KCNH1: variants seen among roughly 807,000 people sequenced by gnomAD.
KCNH1 encodes potassium voltage-gated channel subfamily H member 1.
A neutral mutation model predicts 69.2 loss-of-function variants in KCNH1; 27 were observed. The ratio of observed to expected loss-of-function variants is 0.39; its 90% CI spans 0.29 to 0.54. KCNH1 has a LOEUF of 0.54. Among genes scored for constraint, KCNH1 ranks in the 20% least tolerant of loss-of-function variants. The pLI is 0.68. For missense variants in KCNH1, 798 were observed against 1,261.6 expected, an observed-to-expected ratio of 0.63 and a Z score of 5.57; for synonymous variants, 456 against 487.7, an observed-to-expected ratio of 0.93 and a Z score of 0.86.
chr1:210,887,302 A>G (rs547288094), intron 7 of KCNH1, among the ~76,000 whole-genome samples: 114 of 152,306 alleles, frequency 7.5e-4, no homozygotes, highest in African/African-American at 2.6e-3. Context: ...ACTAAGCTTC[A>G]TAAGCAAAGG....
At chr1:211,044,212 G>C (rs1690051827) in intron 5 of KCNH1, among the ~76,000 whole-genome samples, 1 of 152,048 alleles carries the variant, frequency 6.6e-6, no homozygotes, top group South Asian at 2.1e-4. Context: ...CTCCAAAGAG[G>C]TCCTAGAACT....
chr1:210,980,100 T>C (rs1688682727), intron 6 of KCNH1, among the ~76,000 whole-genome samples: 2 of 152,214 alleles, frequency 1.3e-5, no homozygotes, highest in African/African-American at 4.8e-5. Context: ...TGTTCACTTC[T>C]TCCATTTCAT....
At chr1:210,687,681 T>TACTA (rs1485503231) in intron 10 of KCNH1, among the ~76,000 whole-genome samples, 1 of 152,238 alleles carries the variant, frequency 6.6e-6, no homozygotes, top group Non-Finnish European at 1.5e-5. Flanking sequence ...GGGCTCTGCT[T>TACTA]ACTAACTTCG....
intron 5 of KCNH1, among the ~76,000 whole-genome samples, chr1:211,067,752 A>C (rs1160236422): frequency 6.6e-6 from 1 of 152,246 alleles, no homozygotes; most frequent in East Asian, 1.9e-4. Flanking sequence ...GCAGGGGGCT[A>C]GGAAGAAGAA....
intron 7 of KCNH1, among the ~76,000 whole-genome samples, chr1:210,904,956 C>A (rs1687072856): frequency 1.3e-5 from 2 of 152,076 alleles, no homozygotes; most frequent in African/African-American, 2.4e-5. Flanking sequence ...AGGGGGAGAA[C>A]AAGAGACCAC....
chr1:211,084,839 A>G (rs769215957), intron 4 of KCNH1, among the ~76,000 whole-genome samples: 1 of 152,242 alleles, frequency 6.6e-6, no homozygotes, highest in Non-Finnish European at 1.5e-5. Context: ...TGTTAATTCT[A>G]TAAACATAAC....
At chr1:210,866,188 C>T (rs546358702) in intron 7 of KCNH1, among the ~76,000 whole-genome samples, 9 of 152,198 alleles carry the variant, frequency 5.9e-5, no homozygotes, top group Admixed American at 4.6e-4. Context: ...AGGGGCAAAT[C>T]TTTATGACCC....
At chr1:210,700,064 C>T (rs1681736362) in intron 10 of KCNH1, among the ~76,000 whole-genome samples, 1 of 152,210 alleles carries the variant, frequency 6.6e-6, no homozygotes, top group South Asian at 2.1e-4. Flanking sequence ...TGTCCTGCTA[C>T]TGCCCCTTGA....
At chr1:210,923,493 C>T (rs2102566573) in intron 6 of KCNH1, among the ~76,000 whole-genome samples, 1 of 152,346 alleles carries the variant, frequency 6.6e-6, no homozygotes, top group Middle Eastern at 3.4e-3. Context: ...TACCCAAAAG[C>T]TATGCTATCC....
At chr1:210,743,903 G>A (rs1206763942) in intron 10 of KCNH1, among the ~76,000 whole-genome samples, 1 of 152,178 alleles carries the variant, frequency 6.6e-6, no homozygotes, top group Non-Finnish European at 1.5e-5. Context: ...CCCTGTGGGA[G>A]GGACTACACT....
intron 6 of KCNH1, among the ~76,000 whole-genome samples, chr1:210,966,111 C>T (rs550011887): frequency 6.6e-6 from 1 of 152,208 alleles, no homozygotes; most frequent in African/African-American, 2.4e-5. Flanking sequence ...TTTGACAAAC[C>T]TGACAAAAAC....
chr1:211,091,060 T>C (rs4951502), intron 3 of KCNH1, among the ~76,000 whole-genome samples: 113,730 of 152,072 alleles, frequency 0.75, 42,938 homozygotes, highest in South Asian at 0.8. Flanking sequence ...ACAAGATAGG[T>C]CCTGCCAACC....
At chr1:210,723,458 A>C (rs1388488150) in intron 10 of KCNH1, among the ~76,000 whole-genome samples, 1 of 152,122 alleles carries the variant, frequency 6.6e-6, no homozygotes, top group Non-Finnish European at 1.5e-5. Context: ...GAAAAGGTCC[A>C]TCCTGGCCCC....
intron 5 of KCNH1, among the ~76,000 whole-genome samples, chr1:211,032,540 C>CGTGGT (rs1689808330): frequency 6.6e-6 from 1 of 152,154 alleles, no homozygotes; most frequent in African/African-American, 2.4e-5. Flanking sequence ...ACCAAAACAG[C>CGTGGT]ATGGTACTGG....
chr1:210,839,038 A>G (rs991308603), intron 7 of KCNH1, among the ~76,000 whole-genome samples: 5 of 152,210 alleles, frequency 3.3e-5, no homozygotes, highest in African/African-American at 1.2e-4. Context: ...ATACCATTTG[A>G]TCCAGTAATT....
chr1:211,052,216 G>A (rs1048023394), intron 5 of KCNH1, among the ~76,000 whole-genome samples: 3 of 152,238 alleles, frequency 2.0e-5, no homozygotes, highest in African/African-American at 7.2e-5. Flanking sequence ...GAGCTGATCA[G>A]ACGGAATTCC....
At chr1:210,725,253 A>G (rs997608736) in intron 10 of KCNH1, among the ~76,000 whole-genome samples, 3 of 152,102 alleles carry the variant, frequency 2.0e-5, no homozygotes, top group African/African-American at 7.3e-5. Flanking sequence ...TTACCTATGA[A>G]AGTATTTCTG....
intron 5 of KCNH1, among the ~76,000 whole-genome samples, chr1:211,019,814 C>G (rs893135534): frequency 3.9e-5 from 6 of 152,096 alleles, no homozygotes; most frequent in Admixed American, 3.9e-4. Flanking sequence ...TCTTTCCTGA[C>G]CACAGTGGAA....
intron 6 of KCNH1, among the ~76,000 whole-genome samples, chr1:210,988,680 T>C (rs1021901705): frequency 6.6e-6 from 1 of 152,218 alleles, no homozygotes; most frequent in Non-Finnish European, 1.5e-5. Flanking sequence ...AATTGGATTA[T>C]GTGAGAACAG....
Sources: allele counts gnomAD v4.1 joint callset (sites outside exome capture counted in the v4.1 genomes callset), GRCh38; gene constraint gnomAD v4.1.1; transcripts MANE v1.5; gene names NCBI Gene and HGNC (gene_info 2026-07-23, HGNC 2026-07-21).